Variants in NPNT observed in about 807,000 individuals in gnomAD.
The protein encoded by NPNT is nephronectin, also known as preosteoblast EGF-like repeat protein with MAM domain.
NPNT carries 45 observed loss-of-function variants against 68.6 expected under a neutral mutation model. That is an observed-to-expected ratio of 0.66 (90% confidence interval 0.52 to 0.84). The LOEUF (loss-of-function observed/expected upper bound fraction) is 0.84, where lower values mean the gene tolerates loss of function less well. Among genes scored for constraint, NPNT ranks in the 40% least tolerant of loss-of-function variants. The pLI, the probability that NPNT is intolerant of heterozygous loss-of-function variation, is 0.00. For missense variants in NPNT, 672 were observed against 714.8 expected (o/e 0.94, Z 0.68); for synonymous variants, 233 against 253.3 (o/e 0.92, Z 0.76).
intron 3 of NPNT, among the ~76,000 whole-genome samples, chr4:105,935,180 A>G (rs971002921): frequency 1.3e-5 from 2 of 152,244 alleles, no homozygotes; most frequent in African/African-American, 4.8e-5. Context: ...AAAATCCATC[A>G]GTATCCTTTT....
intron 2 of NPNT, among the ~76,000 whole-genome samples, chr4:105,925,649 C>T (rs544234481): frequency 3.9e-5 from 6 of 152,288 alleles, no homozygotes; most frequent in South Asian, 2.1e-4. Flanking sequence ...CTTCAAAATT[C>T]GGGATCATTG....
intron 5 of NPNT, 68 bp downstream of exon 5, chr4:105,938,488 T>C: frequency 6.5e-7 from 1 of 1,534,636 alleles, no homozygotes. Flanking sequence ...TGAAAGGTGA[T>C]GGGAATAAGG....
At chr4:105,940,406 T>C in intron 6 of NPNT, 108 bp from the exon 7 acceptor site, 8 of 1,144,374 alleles carry the variant, frequency 7.0e-6, no homozygotes, top group Non-Finnish European at 1.3e-6. Context: ...CAATATTATG[T>C]AGATCATCAC....
chr4:105,924,311 C>T (rs1418400367), intron 2 of NPNT, among the ~76,000 whole-genome samples: 5 of 152,222 alleles, frequency 3.3e-5, no homozygotes, highest in African/African-American at 4.8e-5. Context: ...ATGTTTGATA[C>T]GTATTTATTG....
In NPNT at chr4:105,942,488, A is replaced by G; in HGVS notation, c.945A>G (p.Thr315=). ...CCAACAGGCCTACTTCTAAGCCAAC[A>G]ACAAGACCTACACCAAAGCCAACAC... ...IITNRPTSKP[T]TRPTPKPTPI... Residue 315 remains threonine, a synonymous_variant, in exon 8 of 12, where the codon ACA becomes ACG. Coordinates refer to ENST00000379987, the MANE Select transcript of NPNT (RefSeq NM_001033047.3). 1 of 1,613,970 alleles carries G rather than the reference A, an allele frequency of 6.2e-7. No individual in the cohort carries two copies. The highest frequency in any genetic ancestry group is 8.5e-7 in the Non-Finnish European group (1 of 1,179,986).
chr4:105,912,279 A>C (rs748084977), intron 2 of NPNT: 70 of 1,384,366 alleles, frequency 5.1e-5, no homozygotes, highest in Non-Finnish European at 6.9e-5. Flanking sequence ...TGGCTAATCT[A>C]TGTCTTGAAA....
intron 9 of NPNT, 53 bp from the exon 10 acceptor site, chr4:105,958,975 T>A: frequency 8.8e-7 from 1 of 1,132,234 alleles, no homozygotes; most frequent in Non-Finnish European, 1.4e-6. Flanking sequence ...GATTCATTTG[T>A]TGTTTTTTGT....
chr4:105,954,083 C>G (rs994007716), intron 8 of NPNT, among the ~76,000 whole-genome samples: 1 of 152,216 alleles, frequency 6.6e-6, no homozygotes, highest in Non-Finnish European at 1.5e-5. Flanking sequence ...TATATGATCA[C>G]ATCCCTGGGG....
intron 2 of NPNT, among the ~76,000 whole-genome samples, chr4:105,916,169 C>T (rs1436692071): frequency 2.6e-5 from 4 of 151,782 alleles, no homozygotes; most frequent in African/African-American, 7.3e-5. Context: ...CCACTCCTAA[C>T]TCTAAGAAAA....
At chr4:105,916,504 G>C (rs1727832875) in intron 2 of NPNT, among the ~76,000 whole-genome samples, 1 of 151,966 alleles carries the variant, frequency 6.6e-6, no homozygotes, top group Non-Finnish European at 1.5e-5. Context: ...TTACAGGCCT[G>C]GGCCACTGTA....
At chr4:105,946,204 T>C (rs1730372857) in intron 8 of NPNT, among the ~76,000 whole-genome samples, 1 of 152,222 alleles carries the variant, frequency 6.6e-6, no homozygotes, top group South Asian at 2.1e-4. Context: ...GCAGTTTTTG[T>C]CCATTTGCTA....
intron 2 of NPNT, among the ~76,000 whole-genome samples, chr4:105,903,220 C>T (rs10020353): frequency 1.0e-3 from 157 of 152,356 alleles, no homozygotes; most frequent in African/African-American, 3.7e-3. Flanking sequence ...CTGTGTGTAA[C>T]TTCCAGCATT....
At chr4:105,938,551 C>A in intron 5 of NPNT, 131 bp downstream of exon 5, 1 of 891,772 alleles carries the variant, frequency 1.1e-6, no homozygotes, top group Non-Finnish European at 1.7e-6. Flanking sequence ...CAGAAGATAT[C>A]AGATGTCTCA....
intron 11 of NPNT, 141 bp from the exon 12 acceptor site, chr4:105,968,754 G>T: frequency 3.5e-6 from 2 of 574,222 alleles, no homozygotes; most frequent in Non-Finnish European, 6.3e-6. Context: ...CAGTGATACT[G>T]GCAACTATAT....
intron 2 of NPNT, among the ~76,000 whole-genome samples, chr4:105,899,976 T>G (rs1726263834): frequency 6.6e-6 from 1 of 152,226 alleles, no homozygotes; most frequent in African/African-American, 2.4e-5. Flanking sequence ...CTGAAAACTC[T>G]TGATTATTTT....
At chr4:105,968,321 T>A (rs1198023479) in intron 11 of NPNT, among the ~76,000 whole-genome samples, 1 of 152,234 alleles carries the variant, frequency 6.6e-6, no homozygotes, top group Non-Finnish European at 1.5e-5. Context: ...TCATTTTAAA[T>A]CATAGCACTT....
intron 10 of NPNT, among the ~76,000 whole-genome samples, chr4:105,962,278 A>G (rs925038787): frequency 6.6e-6 from 1 of 152,234 alleles, no homozygotes; most frequent in Non-Finnish European, 1.5e-5. Flanking sequence ...ATGGAAAGGT[A>G]TCTCCAAGCT....
chr4:105,906,287 G>T (rs983538773), intron 2 of NPNT, among the ~76,000 whole-genome samples: 1 of 152,172 alleles, frequency 6.6e-6, no homozygotes, highest in African/African-American at 2.4e-5. Context: ...AGTTCTGAAC[G>T]AAGACTTTCA....
chr4:105,941,383 C>T (rs568806506), intron 7 of NPNT, among the ~76,000 whole-genome samples: 2 of 152,120 alleles, frequency 1.3e-5, no homozygotes, highest in South Asian at 4.2e-4. Context: ...TATTTATTTC[C>T]TCTACATTCA....
Sources: allele counts gnomAD v4.1 joint callset (sites outside exome capture counted in the v4.1 genomes callset), GRCh38; gene constraint gnomAD v4.1.1; transcripts MANE v1.5; gene names NCBI Gene and HGNC (gene_info 2026-07-23, HGNC 2026-07-21).